Variants in ATP8B1 observed in about 807,000 individuals in gnomAD.
ATP8B1 encodes ATPase phospholipid transporting 8B1.
In ATP8B1, 80 loss-of-function variants were observed where a neutral mutation model predicts 149.9. The ratio of observed to expected loss-of-function variants is 0.53; its 90% CI spans 0.45 to 0.64. The LOEUF (loss-of-function observed/expected upper bound fraction) is 0.64, where lower values mean the gene tolerates loss of function less well. Ranked by LOEUF, ATP8B1 falls within the 30% of genes least tolerant of loss-of-function variation. ATP8B1 has a pLI of 0.00. For synonymous variants in ATP8B1, 536 were observed against 562.8 expected (o/e 0.95, Z 0.67); for missense variants, 1,247 against 1,552.6 (o/e 0.80, Z 3.31).
chr18:57,688,165 G>T, intron 13 of ATP8B1, 134 bp downstream of exon 13: 1 of 982,410 alleles, frequency 1.0e-6, no homozygotes, highest in Non-Finnish European at 1.6e-6. Flanking sequence ...CTTAGCTGGA[G>T]AATGGCCCTA....
intron 1 of ATP8B1, among the ~76,000 whole-genome samples, chr18:57,770,831 A>C (rs1021197277): frequency 1.1e-4 from 16 of 152,226 alleles, no homozygotes; most frequent in African/African-American, 3.6e-4. Context: ...ATACGAGTTA[A>C]AGTCACCGTT....
chr18:57,775,885 C>T (rs938734041), intron 1 of ATP8B1, among the ~76,000 whole-genome samples: 7 of 152,196 alleles, frequency 4.6e-5, no homozygotes, highest in African/African-American at 1.7e-4. Flanking sequence ...CTCAGGTGAT[C>T]CGCCTGCCTT....
chr18:57,731,834 T>A lies in ATP8B1; in HGVS notation c.-25-2A>T. On this transcript the variant is annotated splice_acceptor_variant, in intron 1 of 27. Transcript: ENST00000648908. LOFTEE classifies it low-confidence loss of function (5UTR_SPLICE). ...CTGCTGGCAAATTGGAACTACCTGC[T>A]TAAAAGGAAAGAGAAACCAGAGTGA... 1 of 1,613,890 alleles carries A rather than the reference T, an allele frequency of 6.2e-7. No individual in the cohort carries two copies. The highest frequency in any genetic ancestry group is 8.5e-7 in the Non-Finnish European group (1 of 1,179,866).
chr18:57,702,403 G>T (rs1332335096), intron 4 of ATP8B1, among the ~76,000 whole-genome samples: 1 of 152,204 alleles, frequency 6.6e-6, no homozygotes. Context: ...GGGACTTTGA[G>T]CAAGTTACTT....
intron 20 of ATP8B1, among the ~76,000 whole-genome samples, chr18:57,664,040 C>T (rs1214738293): frequency 2.1e-5 from 3 of 145,300 alleles, no homozygotes; most frequent in Non-Finnish European, 4.5e-5. Context: ...GCTGGGATTA[C>T]AGGCATGAGC....
Position 57,650,487 on chromosome 18 carries a change from T to G in ATP8B1, c.3411A>C (p.Ser1137=). Residue 1137 remains serine, a synonymous_variant, in exon 27 of 28, where the codon TCA becomes TCC. Transcript: ENST00000648908. ...PSAFQFTGTA[S]NALRQPYIWL... is the part of the protein sequence containing the mutation. Reference sequence around the variant, plus strand: ...AAATGTATGGCTGTCTCAGAGCGTTTGAAGCTGTGCCTGTAAAGAACATGG... The same window carrying G: ...AAATGTATGGCTGTCTCAGAGCGTTGGAAGCTGTGCCTGTAAAGAACATGG... 6.2e-7 allele frequency: 1 copy of G among 1,613,578 alleles called. No homozygotes were observed. Among genetic ancestry groups the G allele is most frequent in the Non-Finnish European group, 8.5e-7 (1 of 1,179,630 alleles).
At chr18:57,652,403 G>GT in intron 25 of ATP8B1, 81 bp downstream of exon 25, 1 of 1,582,846 alleles carries the variant, frequency 6.3e-7, no homozygotes, top group Non-Finnish European at 8.7e-7. Flanking sequence ...TGGGAGTCAG[G>GT]TGGATGTGCA....
chr18:57,722,073 G>T (rs1352324125), intron 2 of ATP8B1, among the ~76,000 whole-genome samples: 1 of 140,538 alleles, frequency 7.1e-6, no homozygotes. Context: ...CAACATACCA[G>T]AATCTCTGGG....
rs1197066840 is a variant in ATP8B1 at position 57,795,384 on chromosome 18, C to A, written c.-26+7614G>T. Among the ~76,000 whole-genome samples, 2 of 152,030 alleles carry A rather than the reference C, an allele frequency of 1.3e-5. 1 individual carries two copies. Among genetic ancestry groups the A allele is most frequent in the South Asian group, 4.2e-4 (2 of 4,818 alleles). On this transcript the variant is annotated intron_variant, in intron 1 of 27. Transcript: ENST00000648908. ...CACCACTGCACTCCAGCCTGGGCAACAGAGTGAGACCTTGTCTTAAAAAAA... is the reference window on the plus strand; with the variant it reads ...CACCACTGCACTCCAGCCTGGGCAAAAGAGTGAGACCTTGTCTTAAAAAAA...
At chr18:57,789,690 A>G (rs1305554552) in intron 1 of ATP8B1, among the ~76,000 whole-genome samples, 1 of 152,202 alleles carries the variant, frequency 6.6e-6, no homozygotes, top group African/African-American at 2.4e-5. Flanking sequence ...CTTGTCCACT[A>G]GGCAACCCTG....
At chr18:57,763,853 TA>T (rs776732748) in intron 1 of ATP8B1, among the ~76,000 whole-genome samples, 1 of 152,228 alleles carries the variant, frequency 6.6e-6, no homozygotes, top group Non-Finnish European at 1.5e-5. Flanking sequence ...GGGTAGTTTC[TA>T]AACTCAACAG....
Position 57,803,044 on chromosome 18 carries a change from G to C in ATP8B1, c.-72C>G, listed in dbSNP as rs1033023056. ...CTGGGGCATCCGCCTGGTGCGCGCCGCTCGGAGCGCTCGCTGCGCACCTGG... is the reference window on the plus strand; with the variant it reads ...CTGGGGCATCCGCCTGGTGCGCGCCCCTCGGAGCGCTCGCTGCGCACCTGG... On this transcript the variant is annotated 5_prime_UTR_variant, in exon 1 of 28. Coordinates refer to ENST00000648908, the MANE Select transcript of ATP8B1 (RefSeq NM_001374385.1). 2 of 151,724 alleles carry C rather than the reference G, an allele frequency of 1.3e-5. No individual in the cohort carries two copies. The highest frequency in any genetic ancestry group is 2.9e-5 in the Non-Finnish European group (2 of 67,956). The allele number at this position is 151,724 out of a possible 1,614,324, so 9.4% of individuals were successfully genotyped here.
chr18:57,705,699 A>G (rs1913355103), intron 3 of ATP8B1, among the ~76,000 whole-genome samples: 1 of 152,168 alleles, frequency 6.6e-6, no homozygotes. Context: ...AGGCTCCAGA[A>G]GGAGCCAACC....
intron 1 of ATP8B1, among the ~76,000 whole-genome samples, chr18:57,762,497 G>A (rs574767695): frequency 2.0e-5 from 3 of 152,240 alleles, no homozygotes; most frequent in South Asian, 4.2e-4. Context: ...CAGTTCACTA[G>A]GGTTCACTCT....
At chr18:57,794,082 A>G (rs2080488012) in intron 1 of ATP8B1, among the ~76,000 whole-genome samples, 1 of 152,142 alleles carries the variant, frequency 6.6e-6, no homozygotes, top group African/African-American at 2.4e-5. Context: ...GGTTGGCATT[A>G]AATAGGAAAG....
chr18:57,672,926 A>ATG (rs1911330798), intron 16 of ATP8B1, among the ~76,000 whole-genome samples: 4 of 46,610 alleles, frequency 8.6e-5, no homozygotes, highest in Non-Finnish European at 1.4e-4. Context: ...ATATATATAT[A>ATG]TATATAACAT....
At chr18:57,705,153 GACT>G (rs1913327523) in intron 3 of ATP8B1, among the ~76,000 whole-genome samples, 1 of 152,186 alleles carries the variant, frequency 6.6e-6, no homozygotes. Context: ...GCCTCAAAAT[GACT>G]ACTTGGAGTC....
chr18:57,666,372 A>G (rs1910855594), intron 20 of ATP8B1, among the ~76,000 whole-genome samples: 1 of 151,826 alleles, frequency 6.6e-6, no homozygotes, highest in Non-Finnish European at 1.5e-5. Flanking sequence ...TAACCCACCC[A>G]CACATTTCCT....
chr18:57,688,198 G>A, intron 13 of ATP8B1, 101 bp downstream of exon 13: 1 of 1,304,478 alleles, frequency 7.7e-7, no homozygotes. Context: ...TGCATCGAGA[G>A]GGCACCAGCA....
Sources: gnomAD v4.1 joint callset for allele counts (sites outside exome capture counted in the v4.1 genomes callset) on GRCh38, gnomAD v4.1.1 for gene constraint, MANE v1.5 for transcripts, NCBI Gene and HGNC (gene_info 2026-07-23, HGNC 2026-07-21) for gene names.